Variants in MTAP observed in about 807,000 individuals in gnomAD.
The protein encoded by MTAP is methylthioadenosine phosphorylase, also known as S-methyl-5'-thioadenosine phosphorylase.
In MTAP, 33 loss-of-function variants were observed where a neutral mutation model predicts 33.6. The observed-to-expected ratio is 0.98, with a 90% CI of 0.74 to 1.31. The LOEUF (loss-of-function observed/expected upper bound fraction) is 1.31. MTAP is among the 40% of genes most tolerant of loss of function. The pLI is 0.00. For missense variants in MTAP, 367 were observed against 360.0 expected (o/e 1.02, Z -0.16); for synonymous variants, 148 against 125.7 (o/e 1.18, Z -1.19).
At chr9:21,827,007 A>G (rs1824830974) in intron 4 of MTAP, among the ~76,000 whole-genome samples, 1 of 152,184 alleles carries the variant, frequency 6.6e-6, no homozygotes, top group African/African-American at 2.4e-5. Context: ...CTGAGGTGGA[A>G]GAGTTTCATC....
At chr9:21,908,338 G>T (rs552633915) in intron 1 of MTAP, among the ~76,000 whole-genome samples, 39 of 152,194 alleles carry the variant, frequency 2.6e-4, no homozygotes, top group Admixed American at 2.0e-3. Context: ...GTATGGTATG[G>T]ATATGTGTAA....
chr9:21,819,609 A>G (rs1488699300), intron 4 of MTAP, among the ~76,000 whole-genome samples: 1 of 152,218 alleles, frequency 6.6e-6, no homozygotes, highest in Non-Finnish European at 1.5e-5. Flanking sequence ...ATACGTGTGC[A>G]TGTGCCTTTA....
chr9:21,887,176 A>G (rs1157644988), intron 1 of MTAP, among the ~76,000 whole-genome samples: 1 of 152,104 alleles, frequency 6.6e-6, no homozygotes, highest in Non-Finnish European at 1.5e-5. Flanking sequence ...TTTGTTACAT[A>G]TGTATACATG....
intron 1 of MTAP, among the ~76,000 whole-genome samples, chr9:21,807,866 A>G (rs1235276333): frequency 1.3e-5 from 2 of 152,228 alleles, no homozygotes; most frequent in Non-Finnish European, 2.9e-5. Flanking sequence ...TGATAATTTT[A>G]TGGATTAGTA....
Position 21,866,480 on chromosome 9 carries a change from T to C in MTAP, c.*4466T>C, listed in dbSNP as rs1031002243. ...AATTACCTGTGTGCCCTTGTCAAAA[T>C]CATTTAATTTTGACTACTCACTTAA... is the stretch of plus-strand genomic sequence containing the variant. On this transcript the variant is annotated 3_prime_UTR_variant, in exon 8 of 8. Coordinates refer to ENST00000644715, the MANE Select transcript of MTAP (RefSeq NM_002451.4). 2 of 152,152 alleles carry C rather than the reference T, an allele frequency of 1.3e-5. No homozygotes were observed. The highest frequency in any genetic ancestry group is 2.9e-5 in the Non-Finnish European group (2 of 68,010). 9.4% of individuals were successfully genotyped at this position (152,152 alleles called of 1,614,324 possible).
intron 6 of MTAP, among the ~76,000 whole-genome samples, chr9:21,857,475 T>A (rs1201660994): frequency 1.3e-5 from 2 of 152,220 alleles, no homozygotes; most frequent in Non-Finnish European, 2.9e-5. Context: ...AAAGATGTAA[T>A]CCTTGTGTCC....
chr9:21,823,665 C>G (rs1003272064), intron 4 of MTAP, among the ~76,000 whole-genome samples: 8 of 152,166 alleles, frequency 5.3e-5, no homozygotes, highest in African/African-American at 1.9e-4. Flanking sequence ...GCCTGCCTTG[C>G]TAGATTGGGG....
At chr9:21,861,900 T>C in intron 7 of MTAP, 76 bp from the exon 8 acceptor site, 1 of 928,894 alleles carries the variant, frequency 1.1e-6, no homozygotes, top group Non-Finnish European at 1.8e-6. Context: ...AAAATCAAAA[T>C]CTGTTTTTTT....
At chr9:21,837,354 A>C (rs2118315955) in intron 4 of MTAP, among the ~76,000 whole-genome samples, 1 of 152,312 alleles carries the variant, frequency 6.6e-6, no homozygotes, top group East Asian at 1.9e-4. Flanking sequence ...CAAGGTAAGT[A>C]CCTTGTTTGG....
At chr9:21,831,148 C>T (rs1362659724) in intron 4 of MTAP, among the ~76,000 whole-genome samples, 1 of 152,122 alleles carries the variant, frequency 6.6e-6, no homozygotes, top group Non-Finnish European at 1.5e-5. Flanking sequence ...CTTTCTTTCA[C>T]CCCCAACTAC....
At chr9:21,869,366 A>G (rs1825901491), downstream of MTAP, among the ~76,000 whole-genome samples, 1 of 152,184 alleles carries the variant, frequency 6.6e-6, no homozygotes, top group South Asian at 2.1e-4. Flanking sequence ...CGCATTTGAT[A>G]CACTTGACCC....
chr9:21,850,516 C>G (rs1452265911), intron 5 of MTAP, among the ~76,000 whole-genome samples: 1 of 152,152 alleles, frequency 6.6e-6, no homozygotes. Context: ...GCCATATGAC[C>G]CAGCAAATCC....
chr9:21,869,690 G>GA (rs1173468500), downstream of MTAP, among the ~76,000 whole-genome samples: 3 of 152,018 alleles, frequency 2.0e-5, no homozygotes, highest in Non-Finnish European at 4.4e-5. Flanking sequence ...TTAAAACCAG[G>GA]AAAAATTTAT....
At chr9:21,916,643 G>GAA (rs960057064) in intron 1 of MTAP, among the ~76,000 whole-genome samples, 1 of 149,034 alleles carries the variant, frequency 6.7e-6, no homozygotes, top group African/African-American at 2.5e-5. Flanking sequence ...ACAAACACAG[G>GAA]AAAAAAAAAA....
At chr9:21,820,605 G>A (rs192584991) in intron 4 of MTAP, among the ~76,000 whole-genome samples, 174 of 152,316 alleles carry the variant, frequency 1.1e-3, no homozygotes, top group Non-Finnish European at 2.2e-3. Flanking sequence ...TTTGGCTTAG[G>A]ATTGTCTTGG....
intron 1 of MTAP, among the ~76,000 whole-genome samples, chr9:21,879,963 A>G (rs1209378365): frequency 2.6e-5 from 4 of 151,702 alleles, no homozygotes; most frequent in Non-Finnish European, 5.9e-5. Context: ...GCTTCCTTTA[A>G]CATTCTTTCT....
At chr9:21,827,990 T>G (rs1034880609) in intron 4 of MTAP, among the ~76,000 whole-genome samples, 2 of 152,228 alleles carry the variant, frequency 1.3e-5, no homozygotes, top group African/African-American at 4.8e-5. Context: ...ACTTAAACAG[T>G]ATGACTATAC....
chr9:21,886,866 TA>T (rs1818119729), intron 1 of MTAP, among the ~76,000 whole-genome samples: 1 of 152,232 alleles, frequency 6.6e-6, no homozygotes, highest in African/African-American at 2.4e-5. Flanking sequence ...TGAAGTTGGA[TA>T]ATATGATACC....
chr9:21,897,258 A>C (rs950984873), intron 1 of MTAP, among the ~76,000 whole-genome samples: 16 of 152,122 alleles, frequency 1.1e-4, no homozygotes, highest in African/African-American at 2.2e-4. Context: ...TTTATGACAA[A>C]CCCACAGCCA....
Sources: gnomAD v4.1 joint callset for allele counts (sites outside exome capture counted in the v4.1 genomes callset) on GRCh38, gnomAD v4.1.1 for gene constraint, MANE v1.5 for transcripts, NCBI Gene and HGNC (gene_info 2026-07-23, HGNC 2026-07-21) for gene names.